ZNF608: variants seen among roughly 807,000 people sequenced by gnomAD.
ZNF608 encodes zinc finger protein 608, also known as renal carcinoma antigen NY-REN-36.
Under a neutral mutation model 109.0 loss-of-function variants are expected in ZNF608, and 12 were observed. The observed-to-expected ratio is 0.11, with a 90% CI of 0.07 to 0.18. The LOEUF is 0.18. Among genes scored for constraint, ZNF608 ranks in the 10% least tolerant of loss-of-function variants. ZNF608 has a pLI of 1.00. For missense variants in ZNF608, 1,707 were observed against 1,879.3 expected, an observed-to-expected ratio of 0.91 and a Z score of 1.70; for synonymous variants, 732 against 717.4, an observed-to-expected ratio of 1.02 and a Z score of -0.33.
chr5:124,666,273 T>C (rs995238546), intron 3 of ZNF608: 1 of 152,228 alleles, frequency 6.6e-6, no homozygotes, highest in Non-Finnish European at 1.5e-5. Flanking sequence ...AGATTGTCAA[T>C]AGTGGAAAAT....
At chr5:124,721,977 T>TCAAAGC (rs1753940338) in intron 2 of ZNF608, among the ~76,000 whole-genome samples, 1 of 58,136 alleles carries the variant, frequency 1.7e-5, no homozygotes, top group Non-Finnish European at 3.7e-5. Flanking sequence ...AAAAAAGAAC[T>TCAAAGC]CAAAGCCAAA....
chr5:124,661,346 C>T (rs1184484478), intron 3 of ZNF608, among the ~76,000 whole-genome samples: 1 of 152,148 alleles, frequency 6.6e-6, no homozygotes, highest in Non-Finnish European at 1.5e-5. Flanking sequence ...TCTGGGGATG[C>T]AGATGGACAG....
At chr5:124,675,491 G>C (rs377233851) in intron 3 of ZNF608, among the ~76,000 whole-genome samples, 2 of 152,140 alleles carry the variant, frequency 1.3e-5, no homozygotes, top group South Asian at 4.1e-4. Context: ...TGGCAGTTTA[G>C]GTATCTGTAA....
At chr5:124,747,187 G>A (rs1749669637), upstream of ZNF608, among the ~76,000 whole-genome samples, 2 of 148,504 alleles carry the variant, frequency 1.3e-5, no homozygotes. Context: ...TTTTTTTAAG[G>A]CGACCCTTTT....
intron 3 of ZNF608, chr5:124,666,487 CAAAT>C (rs1751483196): frequency 6.6e-6 from 1 of 152,150 alleles, no homozygotes; most frequent in Non-Finnish European, 1.5e-5. Context: ...CCAAATAATA[CAAAT>C]AGAGTAGTTT....
intron 3 of ZNF608, among the ~76,000 whole-genome samples, chr5:124,681,528 CCAGGAGTT>C (rs1235227104): frequency 1.3e-5 from 2 of 152,010 alleles, no homozygotes; most frequent in African/African-American, 4.8e-5. Flanking sequence ...TCACTTGAGG[CCAGGAGTT>C]CAAGACTACC....
At chr5:124,645,090 C>G (rs1750435745) in intron 5 of ZNF608, among the ~76,000 whole-genome samples, 1 of 152,174 alleles carries the variant, frequency 6.6e-6, no homozygotes. Flanking sequence ...GTTAAAAACT[C>G]CAACTCAAGC....
chr5:124,682,255 T>C (rs1465936666), intron 3 of ZNF608, among the ~76,000 whole-genome samples: 1 of 152,202 alleles, frequency 6.6e-6, no homozygotes, highest in Non-Finnish European at 1.5e-5. Flanking sequence ...CTACTTTTAG[T>C]AGAGACAGGG....
At chr5:124,687,720 T>C (rs1357763597) in intron 3 of ZNF608, among the ~76,000 whole-genome samples, 1 of 152,206 alleles carries the variant, frequency 6.6e-6, no homozygotes, top group Non-Finnish European at 1.5e-5. Flanking sequence ...TGTCATATTA[T>C]AGTTCATTTT....
intron 2 of ZNF608, among the ~76,000 whole-genome samples, chr5:124,713,783 G>A (rs1753591753): frequency 6.6e-6 from 1 of 152,264 alleles, no homozygotes; most frequent in Admixed American, 6.5e-5. Context: ...GAGAGGGGGA[G>A]GGGAAGTTAA....
At chr5:124,651,182 G>C (rs1750756043) in intron 3 of ZNF608, among the ~76,000 whole-genome samples, 1 of 152,164 alleles carries the variant, frequency 6.6e-6, no homozygotes, top group African/African-American at 2.4e-5. Context: ...ATTCCCTCAG[G>C]AAATTTTTTT....
chr5:124,717,426 G>A (rs1203113477), intron 2 of ZNF608, among the ~76,000 whole-genome samples: 1 of 151,828 alleles, frequency 6.6e-6, no homozygotes, highest in African/African-American at 2.4e-5. Flanking sequence ...AGCCAAGATT[G>A]CGCCACTGCA....
chr5:124,646,821 T>A lies in ZNF608; in HGVS notation c.3563A>T (p.Asn1188Ile), dbSNP rs141388965. The change falls in exon 5 of 10, where the codon AAT becomes ATT. Residue 1188 changes from asparagine (N) to isoleucine (I), a missense_variant. This residue lies in a region of ZNF608 where 1,073 missense variants were observed against 1,133.5 expected (regional missense o/e 0.95). Transcript: ENST00000513986. ...EETGKSQLLS[N>I]HQQQLQADSF... ...GTCGGCCTGAAGCTGCTGCTGGTGA[T>A]TGGAGAGAAGCTGCGATTTACCTGT... The A allele has an allele frequency of 8.1e-6, 13 of 1,614,264 alleles. No individual in the cohort carries two copies. Among genetic ancestry groups the A allele is most frequent in the Non-Finnish European group, 1.1e-5 (13 of 1,180,054 alleles).
chr5:124,666,709 C>G (rs868735871), intron 3 of ZNF608, among the ~76,000 whole-genome samples: 86 of 141,052 alleles, frequency 6.1e-4, no homozygotes, highest in African/African-American at 2.2e-3. Context: ...TGGGTTTGCT[C>G]TGTGTGTGTG....
In ZNF608 at chr5:124,649,657, G is replaced by T; in HGVS notation, c.1203C>A (p.Tyr401Ter). 6.2e-7 allele frequency: 1 copy of T among 1,610,150 alleles called. No individual in the cohort carries two copies. The highest frequency in any genetic ancestry group is 8.5e-7 in the Non-Finnish European group (1 of 1,177,290). The change falls in exon 4 of 10, where the codon TAC (tyrosine) becomes TAA (stop). Residue 401 changes from tyrosine to a stop codon, truncating the protein, a stop_gained. Transcript: ENST00000513986. LOFTEE classifies it high-confidence loss of function. ...TGGTGCAGTCCAGTAGGGTTCCCAC[G>T]TACGTTTTGTTCCTCCACGTGACAT... The part of the protein sequence containing the change: ...VVNVTWRNKT[Y>*]VGTLLDCTKH...
chr5:124,643,566 T>C lies in ZNF608; in HGVS notation c.4241A>G (p.Lys1414Arg), dbSNP rs751586320. The change falls in exon 7 of 10, where the codon AAA becomes AGA. Residue 1414 changes from lysine to arginine, a missense_variant. Coordinates refer to ENST00000513986, the MANE Select transcript of ZNF608 (RefSeq NM_020747.3). ...SVNTKTTTES[K>R]ALDLLQQHAN... ...ATGCTGCTGGAGCAAATCCAGTGCT[T>C]TAGATTCAGTGGTTGTTTTCGTGTT... 1.3e-5 allele frequency: 21 copies of C among 1,614,208 alleles called. No individual in the cohort carries two copies. The South Asian group carries it at 2.3e-4, about 18-fold the overall frequency.
intron 2 of ZNF608, among the ~76,000 whole-genome samples, chr5:124,723,022 T>TA (rs1048684842): frequency 4.6e-5 from 7 of 150,698 alleles, no homozygotes; most frequent in East Asian, 3.9e-4. Context: ...TAGGAGACTT[T>TA]AAAAAAAAAA....
intron 3 of ZNF608, among the ~76,000 whole-genome samples, chr5:124,670,540 G>A (rs1204537986): frequency 6.6e-6 from 1 of 152,086 alleles, no homozygotes; most frequent in South Asian, 2.1e-4. Context: ...TCATAGGCGT[G>A]GATCCTCTGC....
At chr5:124,739,114 C>T (rs1017645493) in intron 2 of ZNF608, among the ~76,000 whole-genome samples, 1 of 152,170 alleles carries the variant, frequency 6.6e-6, no homozygotes, top group African/African-American at 2.4e-5. Context: ...CAAGCAGATC[C>T]TCCCCGCAGC....
Sources: allele counts gnomAD v4.1 joint callset (sites outside exome capture counted in the v4.1 genomes callset), GRCh38; gene constraint gnomAD v4.1.1; regional missense constraint gnomAD v4.1.1; transcripts MANE v1.5; gene names NCBI Gene and HGNC (gene_info 2026-07-23, HGNC 2026-07-21).